ZNF333: variants seen among roughly 807,000 people sequenced by gnomAD.
The protein encoded by ZNF333 is zinc finger protein 333.
ZNF333 carries 61 observed loss-of-function variants against 76.1 expected under a neutral mutation model. That is an observed-to-expected ratio of 0.80 (90% CI 0.65 to 0.99). ZNF333 has a LOEUF of 0.99. Ranked by LOEUF, ZNF333 falls within the 50% of genes least tolerant of loss-of-function variation. The pLI, the probability that ZNF333 is intolerant of heterozygous loss-of-function variation, is 0.00. For synonymous variants in ZNF333, 284 were observed against 305.0 expected, an observed-to-expected ratio of 0.93 and a Z score of 0.72; for missense variants, 717 against 822.4, an observed-to-expected ratio of 0.87 and a Z score of 1.57.
At chr19:14,695,159 T>C in intron 3 of ZNF333, 26 bp downstream of exon 3, 1 of 1,608,424 alleles carries the variant, frequency 6.2e-7, no homozygotes, top group Non-Finnish European at 8.5e-7. Context: ...CCTGGCTCCT[T>C]CCTGTACGCA....
intron 5 of ZNF333, 98 bp downstream of exon 5, chr19:14,699,379 C>A: frequency 9.5e-7 from 1 of 1,050,412 alleles, no homozygotes; most frequent in Non-Finnish European, 1.5e-6. Flanking sequence ...ATGTTAGCAG[C>A]ATGGGTGTCT....
downstream of ZNF333, among the ~76,000 whole-genome samples, chr19:14,722,371 A>G (rs2147034635): frequency 6.6e-6 from 1 of 152,358 alleles, no homozygotes; most frequent in Admixed American, 6.5e-5. Flanking sequence ...CTGGAAGAAC[A>G]CACGTTGGGC....
chr19:14,702,852 T>C (rs1029194098), intron 5 of ZNF333, among the ~76,000 whole-genome samples: 8 of 152,090 alleles, frequency 5.3e-5, no homozygotes, highest in African/African-American at 1.9e-4. Flanking sequence ...AAACACATCC[T>C]TCACATGGTG....
intron 6 of ZNF333, chr19:14,706,037 C>A (rs956863295): frequency 1.1e-5 from 5 of 453,616 alleles, no homozygotes; most frequent in Non-Finnish European, 2.2e-5. Flanking sequence ...CCCCAACCTC[C>A]CATCCACCAC....
At position 14,717,793 on chromosome 19, in the gene ZNF333, G is replaced by A. The variant is rs570858161; in HGVS notation, c.900+60G>A. ...TAGTAGGATGAGTCTGGGGTTAACC[G>A]TAAGTTAGAAAAGCAGCCCAAGAGC... On this transcript the variant is annotated intron_variant, in intron 11 of 11. Coordinates refer to ENST00000292530, the MANE Select transcript of ZNF333 (RefSeq NM_032433.4). 3.4e-5 allele frequency: 53 copies of A among 1,542,360 alleles called. No individual in the cohort carries two copies. The East Asian group carries it at 4.5e-4, about 13-fold the overall frequency.
At chr19:14,710,690 A>T (rs2042248339) in intron 7 of ZNF333, among the ~76,000 whole-genome samples, 1 of 152,216 alleles carries the variant, frequency 6.6e-6, no homozygotes, top group South Asian at 2.1e-4. Context: ...AGGCAGGAGA[A>T]TTGCTTGAAC....
chr19:14,715,104 T>TTA, intron 7 of ZNF333: 10 of 370,724 alleles, frequency 2.7e-5, no homozygotes, highest in Non-Finnish European at 2.6e-5. Context: ...TGTGTATATG[T>TTA]TATATATATG....
chr19:14,714,411 C>T (rs2042365979), intron 7 of ZNF333, among the ~76,000 whole-genome samples: 2 of 152,026 alleles, frequency 1.3e-5, no homozygotes, highest in Non-Finnish European at 2.9e-5. Flanking sequence ...CATCCACAAG[C>T]CAAGGAGCCC....
chr19:14,699,501 C>G (rs943682185), intron 5 of ZNF333: 20 of 442,616 alleles, frequency 4.5e-5, no homozygotes, highest in Non-Finnish European at 6.6e-5. Context: ...TGTTCTGTCA[C>G]CCAGGCTGGA....
At chr19:14,717,584 A>G (rs759813524) in intron 10 of ZNF333, 73 bp from the exon 11 acceptor site, 118 of 1,340,558 alleles carry the variant, frequency 8.8e-5, no homozygotes, top group African/African-American at 2.9e-4. Flanking sequence ...TGCCTTGCCT[A>G]CTTTTGAGGT....
intron 8 of ZNF333, 62 bp from the exon 9 acceptor site, chr19:14,716,050 G>T: frequency 6.2e-7 from 1 of 1,602,040 alleles, no homozygotes; most frequent in South Asian, 1.1e-5. Flanking sequence ...CCAGCCTCCA[G>T]CATCCTCTGG....
intron 6 of ZNF333, chr19:14,706,236 C>T (rs764709522): frequency 3.5e-5 from 16 of 453,222 alleles, no homozygotes; most frequent in South Asian, 2.0e-4. Context: ...TCAGGTCAGA[C>T]GTGTTTCCTG....
chr19:14,713,657 G>A (rs2042341722), intron 7 of ZNF333, among the ~76,000 whole-genome samples: 1 of 152,056 alleles, frequency 6.6e-6, no homozygotes, highest in African/African-American at 2.4e-5. Context: ...GGCTGGGTGG[G>A]CTACAAGAAG....
chr19:14,706,755 TG>T lies in ZNF333; in HGVS notation c.496del (p.Val166TrpfsTer66). The T allele has an allele frequency of 3.1e-6, 5 of 1,613,580 alleles. No individual in the cohort carries two copies. Among genetic ancestry groups the T allele is most frequent in the Non-Finnish European group, 4.2e-6 (5 of 1,179,878 alleles). On this transcript the variant is annotated frameshift_variant, in exon 7 of 12. Coordinates refer to ENST00000292530, the MANE Select transcript of ZNF333 (RefSeq NM_032433.4). LOFTEE classifies it high-confidence loss of function. The part of the protein sequence containing the change: ...PVPTLGHRNP[W>X]VARDSAVPAR... ...GCCTACTCTGGGCCACCGCAACCCA[TG>T]GGTGGCCAGGGATTCTGGTGAGTGA...
chr19:14,705,477 G>A (rs1276969801), intron 6 of ZNF333, among the ~76,000 whole-genome samples: 4 of 152,092 alleles, frequency 2.6e-5, no homozygotes, highest in East Asian at 3.9e-4. Flanking sequence ...CCATAACCTC[G>A]AAACTGACAG....
At chr19:14,728,504 G>A (rs1250361398) in intron 11 of ZNF333, among the ~76,000 whole-genome samples, 1 of 152,120 alleles carries the variant, frequency 6.6e-6, no homozygotes, top group Admixed American at 6.5e-5. Flanking sequence ...TTTGTCTTAT[G>A]TTTAGCTTTG....
intron 7 of ZNF333, among the ~76,000 whole-genome samples, chr19:14,711,214 T>C (rs11667826): frequency 0.72 from 109,348 of 151,790 alleles, 40,935 homozygotes; most frequent in African/African-American, 0.92. Flanking sequence ...CAACATAAAC[T>C]GCATTGTTTG....
chr19:14,714,208 T>C (rs1394785007), intron 7 of ZNF333, among the ~76,000 whole-genome samples: 1 of 151,686 alleles, frequency 6.6e-6, no homozygotes, highest in East Asian at 1.9e-4. Context: ...CAAAAAGACA[T>C]GCTGAAGTCC....
intron 6 of ZNF333, 108 bp downstream of exon 6, chr19:14,705,278 G>A: frequency 1.1e-6 from 1 of 936,610 alleles, no homozygotes; most frequent in Non-Finnish European, 1.6e-6. Flanking sequence ...GGTGTTTGGG[G>A]CCTGTAGGAG....
Sources: gnomAD v4.1 joint callset for allele counts (sites outside exome capture counted in the v4.1 genomes callset) on GRCh38, gnomAD v4.1.1 for gene constraint, MANE v1.5 for transcripts, NCBI Gene and HGNC (gene_info 2026-07-23, HGNC 2026-07-21) for gene names.